CAPRIN2: variants seen among roughly 807,000 people sequenced by gnomAD.
CAPRIN2 encodes the protein caprin-2.
Under a neutral mutation model 130.4 loss-of-function variants are expected in CAPRIN2, and 66 were observed. The observed-to-expected ratio is 0.51, with a 90% CI of 0.42 to 0.62. The LOEUF (loss-of-function observed/expected upper bound fraction) is 0.62, where lower values mean the gene tolerates loss of function less well. Ranked by LOEUF, CAPRIN2 falls within the 20% of genes least tolerant of loss-of-function variation. The pLI, the probability that CAPRIN2 is intolerant of heterozygous loss-of-function variation, is 0.00. For synonymous variants in CAPRIN2, 471 were observed against 444.1 expected, an observed-to-expected ratio of 1.06 and a Z score of -0.76; for missense variants, 1,185 against 1,246.6, an observed-to-expected ratio of 0.95 and a Z score of 0.74.
chr12:30,716,409 A>T, intron 13 of CAPRIN2, 99 bp downstream of exon 15: 2 of 1,101,552 alleles, frequency 1.8e-6, no homozygotes, highest in Non-Finnish European at 2.7e-6. Flanking sequence ...ACTGGTCAGG[A>T]AAATACTTCT....
intron 7 of CAPRIN2, among the ~76,000 whole-genome samples, 169 bp downstream of exon 8, chr12:30,730,070 A>G (rs1394900533): frequency 6.6e-6 from 1 of 152,224 alleles, no homozygotes; most frequent in Non-Finnish European, 1.5e-5. Context: ...ACATATGAGG[A>G]TAACAGACAC....
chr12:30,744,731 C>T (rs1341645656), intron 2 of CAPRIN2, among the ~76,000 whole-genome samples: 1 of 152,200 alleles, frequency 6.6e-6, no homozygotes, highest in East Asian at 1.9e-4. Flanking sequence ...TTATTCCCCA[C>T]TCTCTTCCCC....
intron 5 of CAPRIN2, among the ~76,000 whole-genome samples, chr12:30,731,959 GT>G (rs1373394132): frequency 6.6e-6 from 1 of 151,928 alleles, no homozygotes; most frequent in African/African-American, 2.4e-5. Flanking sequence ...CCTTCCCCAA[GT>G]AATTAAGGCT....
chr12:30,711,875 C>G, intron 15 of CAPRIN2: 1 of 634,186 alleles, frequency 1.6e-6, no homozygotes, highest in South Asian at 1.5e-5. Context: ...TGAAAAACAA[C>G]AAAGCACTTG....
At chr12:30,713,987 T>C (rs1414284171) in intron 14 of CAPRIN2, 102 bp from the exon 17 acceptor site, 1 of 614,222 alleles carries the variant, frequency 1.6e-6, no homozygotes, top group Non-Finnish European at 2.8e-6. Flanking sequence ...GATTATATAA[T>C]GCCATCATTA....
Position 30,740,957 on chromosome 12 carries a change from G to A in CAPRIN2, c.570+63C>T. On this transcript the variant is annotated intron_variant, in intron 3 of 16. Coordinates refer to ENST00000298892, the Ensembl canonical transcript of CAPRIN2. ...CACCATTACTAGACACTGACACACT[G>A]ACATTTTCTCCAAGATCAGTGGTTA... 4 of 957,178 alleles carry A rather than the reference G, an allele frequency of 4.2e-6. No homozygotes were observed. The Admixed American group carries it at 7.8e-5, about 19-fold the overall frequency. The allele number at this position is 957,178 out of a possible 1,614,324, so 59.3% of individuals were successfully genotyped here.
intron 13 of CAPRIN2, 113 bp from the exon 16 acceptor site, chr12:30,715,254 T>C: frequency 1.3e-6 from 1 of 773,062 alleles, no homozygotes; most frequent in Non-Finnish European, 2.1e-6. Flanking sequence ...TAAAAATAAA[T>C]AGGAGATACA....
chr12:30,724,264 CA>C (rs1303616169), intron 10 of CAPRIN2, 105 bp downstream of exon 11: 1 of 719,168 alleles, frequency 1.4e-6, no homozygotes, highest in Non-Finnish European at 2.5e-6. Context: ...TAAATTAATA[CA>C]CCAACATATT....
chr12:30,737,850 G>A (rs563980823), intron 3 of CAPRIN2, among the ~76,000 whole-genome samples: 19 of 152,114 alleles, frequency 1.2e-4, no homozygotes, highest in Admixed American at 2.0e-4. Flanking sequence ...GCCCGCCTCG[G>A]CCTCCCAAAG....
exon 6 of CAPRIN2, chr12:30,731,468 C>T: frequency 6.2e-7 from 1 of 1,612,812 alleles, no homozygotes. Flanking sequence ...TTCAAAATAG[C>T]CTGAGTTCAG....
intron 10 of CAPRIN2, among the ~76,000 whole-genome samples, chr12:30,723,543 C>T (rs891592435): frequency 1.1e-4 from 16 of 152,038 alleles, no homozygotes; most frequent in African/African-American, 3.9e-4. Context: ...GTTAAATGGA[C>T]AAAAGTAGCA....
rs549090491 is a variant in CAPRIN2 at position 30,713,765 on chromosome 12, T to C, written c.2601+20A>G. ...CAACAACTGTACCACTATTCAACTA[T>C]GACAACTATTCTTACTTACCCTTTG... is the stretch of plus-strand genomic sequence containing the variant. On this transcript the variant is annotated intron_variant, in intron 15 of 16. Coordinates refer to ENST00000298892, the Ensembl canonical transcript of CAPRIN2. 1.5e-6 allele frequency: 2 copies of C among 1,358,092 alleles called. No homozygotes were observed. Among genetic ancestry groups the C allele is most frequent in the South Asian group, 2.4e-5 (2 of 84,534 alleles). 84.1% of individuals were successfully genotyped at this position (1,358,092 alleles called of 1,614,324 possible).
At chr12:30,725,808 G>A (rs889291420) in intron 9 of CAPRIN2, among the ~76,000 whole-genome samples, 158 bp downstream of exon 10, 4 of 152,162 alleles carry the variant, frequency 2.6e-5, no homozygotes, top group African/African-American at 9.7e-5. Context: ...ATAAACTGAG[G>A]CAGAATCAAG....
At position 30,711,640 on chromosome 12, in the gene CAPRIN2, C is replaced by T; in HGVS notation, c.2602-11G>A. 12 of 1,608,342 alleles carry T rather than the reference C, an allele frequency of 7.5e-6. No individual in the cohort carries two copies. The highest frequency in any genetic ancestry group is 5.0e-5 in the Admixed American group (3 of 60,014). On this transcript the variant is annotated splice_polypyrimidine_tract_variant and intron_variant, in intron 15 of 16. Coordinates refer to ENST00000298892, the Ensembl canonical transcript of CAPRIN2. ...CTGCTGGAAATTATCCTAAAGTGAA[C>T]ATATAATATTTACCTTGGCATCAAA...
chr12:30,748,742 A>C (rs780734105), intron 2 of CAPRIN2, among the ~76,000 whole-genome samples: 15 of 152,202 alleles, frequency 9.9e-5, no homozygotes, highest in Non-Finnish European at 2.1e-4. Context: ...TGATTTCTCA[A>C]AAGTACCACC....
intron 8 of CAPRIN2, 138 bp downstream of exon 9, chr12:30,728,510 G>T: frequency 1.5e-6 from 1 of 675,442 alleles, no homozygotes; most frequent in East Asian, 2.8e-5. Context: ...AGCAGAGATA[G>T]TGCCACTGCA....
chr12:30,738,368 C>T lies in CAPRIN2; in HGVS notation c.570+2652G>A, dbSNP rs185005378. Among the ~76,000 whole-genome samples, 482 of 151,862 alleles carry T rather than the reference C, an allele frequency of 3.2e-3. 6 individuals carry two copies. Among genetic ancestry groups the T allele is most frequent in the African/African-American group, 8.6e-3 (358 of 41,436 alleles). ...CGATATAGAGAAAAAGTACCTAGGG[C>T]CATATCTTGGCTCTACCACTTACTG... On this transcript the variant is annotated intron_variant, in intron 3 of 16. Transcript: ENST00000298892.
In CAPRIN2 at chr12:30,716,789, T is replaced by G. The variant is rs1406083809; in HGVS notation, c.2149-113A>C. On this transcript the variant is annotated intron_variant, in intron 12 of 16. Coordinates refer to ENST00000298892, the Ensembl canonical transcript of CAPRIN2. ...ACTTCTATTTTGCAGGCAAAGGACT[T>G]GAATAGACATCTCTCCAAAGAAGAT... is the stretch of plus-strand genomic sequence containing the variant. The G allele has an allele frequency of 1.0e-5, 8 of 802,508 alleles. No individual in the cohort carries two copies. In the East Asian group the frequency reaches 1.7e-4, roughly 17 times the overall value. The allele number at this position is 802,508 out of a possible 1,614,324, so 49.7% of individuals were successfully genotyped here.
chr12:30,744,707 A>G (rs1226155982), intron 2 of CAPRIN2, among the ~76,000 whole-genome samples: 2 of 152,122 alleles, frequency 1.3e-5, no homozygotes, highest in African/African-American at 2.4e-5. Context: ...AACATCCATC[A>G]TATCTGTATT....
Sources: allele counts gnomAD v4.1 joint callset (sites outside exome capture counted in the v4.1 genomes callset), GRCh38; gene constraint gnomAD v4.1.1; transcripts MANE v1.5; gene names NCBI Gene and HGNC (gene_info 2026-07-23, HGNC 2026-07-21).